RNF121: variants seen among roughly 807,000 people sequenced by gnomAD.
RNF121 encodes the protein E3 ubiquitin ligase RNF121.
RNF121 carries 21 observed loss-of-function variants against 46.5 expected under a neutral mutation model. The observed-to-expected ratio is 0.45, with a 90% CI of 0.32 to 0.65. The LOEUF is 0.65. RNF121 is among the 30% of genes least tolerant of loss of function. The pLI is 0.04. For synonymous variants in RNF121, 139 were observed against 144.7 expected (o/e 0.96, Z 0.28); for missense variants, 346 against 416.0 (o/e 0.83, Z 1.46).
intron 3 of RNF121, among the ~76,000 whole-genome samples, chr11:71,979,514 T>A (rs561942146): frequency 2.6e-5 from 4 of 152,296 alleles, no homozygotes; most frequent in African/African-American, 9.6e-5. Flanking sequence ...CTAGATGTAG[T>A]TTTTTCATCC....
chr11:71,952,331 GTGAC>G (rs1197594753), intron 1 of RNF121, among the ~76,000 whole-genome samples: 1 of 152,214 alleles, frequency 6.6e-6, no homozygotes, highest in African/African-American at 2.4e-5. Context: ...AACATGGAGA[GTGAC>G]TGCTAACTGG....
intron 1 of RNF121, among the ~76,000 whole-genome samples, chr11:71,942,785 T>TATATATATATATATATATATATATATAG (rs1445316481): frequency 7.5e-4 from 7 of 9,362 alleles, no homozygotes; most frequent in South Asian, 6.9e-3. Flanking sequence ...TATATATATA[T>TATATATATATATATATATATATATATAG]ATATAGATAT....
chr11:71,956,157 G>A (rs527467942), intron 1 of RNF121, among the ~76,000 whole-genome samples: 10 of 152,316 alleles, frequency 6.6e-5, no homozygotes, highest in Admixed American at 2.6e-4. Context: ...TTATCAGAAC[G>A]TGGGTAACAG....
intron 1 of RNF121, among the ~76,000 whole-genome samples, chr11:71,946,898 C>T (rs1216068223): frequency 1.8e-5 from 2 of 114,036 alleles, no homozygotes; most frequent in Admixed American, 1.2e-4. Flanking sequence ...GAGACAGTAT[C>T]GCTCTGTCAC....
chr11:71,932,092 C>A (rs557081712), intron 1 of RNF121, among the ~76,000 whole-genome samples: 1 of 152,136 alleles, frequency 6.6e-6, no homozygotes, highest in African/African-American at 2.4e-5. Flanking sequence ...TTAATACTTT[C>A]TCTAGAAGTT....
chr11:71,961,184 A>G (rs1046654506), intron 3 of RNF121, among the ~76,000 whole-genome samples: 6 of 152,218 alleles, frequency 3.9e-5, no homozygotes, highest in East Asian at 1.9e-4. Context: ...GAACTATTCA[A>G]TTGGAGAGAG....
intron 3 of RNF121, among the ~76,000 whole-genome samples, chr11:71,974,925 T>C (rs923968751): frequency 5.9e-5 from 9 of 152,244 alleles, no homozygotes; most frequent in African/African-American, 2.2e-4. Flanking sequence ...TTTCATCATC[T>C]ATTCAGAGTC....
chr11:71,994,057 C>T (rs547706822), intron 6 of RNF121, among the ~76,000 whole-genome samples: 1 of 151,966 alleles, frequency 6.6e-6, no homozygotes, highest in African/African-American at 2.4e-5. Flanking sequence ...AGTTAGGATG[C>T]TCTCGATCTC....
intron 3 of RNF121, among the ~76,000 whole-genome samples, chr11:71,968,517 A>G (rs1037920528): frequency 6.6e-6 from 1 of 152,188 alleles, no homozygotes; most frequent in Non-Finnish European, 1.5e-5. Flanking sequence ...CAATTTTACA[A>G]TTCTTGTGGA....
At chr11:71,944,614 A>G (rs1281627147) in intron 1 of RNF121, among the ~76,000 whole-genome samples, 1 of 152,216 alleles carries the variant, frequency 6.6e-6, no homozygotes, top group African/African-American at 2.4e-5. Flanking sequence ...TGTGGTCCCA[A>G]GAGCTCACTG....
At position 71,952,969 on chromosome 11, in the gene RNF121, G is replaced by A. The variant is rs75951882; in HGVS notation, c.64-4258G>A. Among the ~76,000 whole-genome samples the A allele has an allele frequency of 6.7e-3, 1,019 of 152,268 alleles. 12 individuals carry two copies. The highest frequency in any genetic ancestry group is 0.023 in the African/African-American group (963 of 41,534). ...TTCTGTTATGAACAGTATTAACCAT[G>A]CTGTGCAATAGAACTCAAAGAAAAA... On this transcript the variant is annotated intron_variant, in intron 1 of 8. Transcript: ENST00000361756.
At chr11:71,950,054 A>G (rs1280947598) in intron 1 of RNF121, among the ~76,000 whole-genome samples, 1 of 151,942 alleles carries the variant, frequency 6.6e-6, no homozygotes, top group Non-Finnish European at 1.5e-5. Flanking sequence ...AAAAAACCCA[A>G]AAACAAACAA....
At chr11:71,995,264 A>G (rs1954951537) in intron 7 of RNF121, 186 bp from the exon 8 acceptor site, 1 of 609,910 alleles carries the variant, frequency 1.6e-6, no homozygotes. Flanking sequence ...TTTGCCCCAT[A>G]ACAGTCTTGT....
chr11:71,932,172 A>G (rs148113684), intron 1 of RNF121, among the ~76,000 whole-genome samples: 45 of 152,366 alleles, frequency 3.0e-4, no homozygotes, highest in African/African-American at 1.1e-3. Flanking sequence ...GGTTTAGGAA[A>G]AGAGCTACCA....
chr11:71,946,808 G>T (rs1004415097), intron 1 of RNF121, among the ~76,000 whole-genome samples: 14 of 149,890 alleles, frequency 9.3e-5, no homozygotes, highest in African/African-American at 2.9e-4. Context: ...TGCCTCCCGG[G>T]TTCAAGTGGT....
At chr11:71,970,477 G>C (rs1954397567) in intron 3 of RNF121, among the ~76,000 whole-genome samples, 1 of 152,002 alleles carries the variant, frequency 6.6e-6, no homozygotes. Context: ...CTTGGGCAAT[G>C]CAGGGAGACC....
rs58408933 is a variant in RNF121, at chr11:71,985,214, A to G, written c.399-1790A>G. 1.9e-3 allele frequency among the ~76,000 whole-genome samples: 283 copies of G among 152,290 alleles called. 3 individuals are homozygous for G. Among genetic ancestry groups the G allele is most frequent in the African/African-American group, 6.3e-3 (261 of 41,550 alleles). ...AGTGTTGGGATTCCAGGTGTGAGCC[A>G]TTGTGCCTGCCCTCAAAGCACTTTT... On this transcript the variant is annotated intron_variant, in intron 4 of 8. Transcript: ENST00000361756.
At chr11:71,937,704 C>T (rs996064428) in intron 1 of RNF121, among the ~76,000 whole-genome samples, 1 of 152,126 alleles carries the variant, frequency 6.6e-6, no homozygotes, top group African/African-American at 2.4e-5. Context: ...GTACCTTTTC[C>T]CAGATTCTGC....
chr11:71,945,878 TGAG>T (rs1249724901), intron 1 of RNF121, among the ~76,000 whole-genome samples: 1 of 151,988 alleles, frequency 6.6e-6, no homozygotes, highest in African/African-American at 2.4e-5. Flanking sequence ...TTTGGGAGGC[TGAG>T]GAGGGTGGAT....
Sources: allele counts gnomAD v4.1 joint callset (sites outside exome capture counted in the v4.1 genomes callset), GRCh38; gene constraint gnomAD v4.1.1; transcripts MANE v1.5; gene names NCBI Gene and HGNC (gene_info 2026-07-23, HGNC 2026-07-21).